The following PPARGC1A variants were observed in gnomAD, a reference collection of about 807,000 sequenced individuals.
PPARGC1A encodes the protein peroxisome proliferator-activated receptor gamma coactivator 1-alpha.
A neutral mutation model predicts 88.7 loss-of-function variants in PPARGC1A; 25 were observed. The observed-to-expected ratio is 0.28, with a 90% CI of 0.21 to 0.39. PPARGC1A has a LOEUF of 0.39. Ranked by LOEUF, PPARGC1A falls within the 10% of genes least tolerant of loss-of-function variation. The pLI, the probability that PPARGC1A is intolerant of heterozygous loss-of-function variation, is 1.00. For missense variants in PPARGC1A, 880 were observed against 968.7 expected (o/e 0.91, Z 1.22); for synonymous variants, 363 against 355.6 (o/e 1.02, Z -0.24).
the PPARGC1A span, among the ~76,000 whole-genome samples, chr4:24,467,007 G>GGAGAAAGAAAGAAAGAAAGAAAGAAAGA: frequency 1.7e-5 from 1 of 58,732 alleles, no homozygotes; most frequent in Non-Finnish European, 3.8e-5. Context: ...GGAAGGAAGG[G>GGAGAAAGAAAGAAAGAAAGAAAGAAAGA]GAGAAAGAAA....
At chr4:23,921,588 T>C in the PPARGC1A span, among the ~76,000 whole-genome samples, 1 of 152,042 alleles carries the variant, frequency 6.6e-6, no homozygotes, top group Non-Finnish European at 1.5e-5. Context: ...AATAGAACTG[T>C]CTGAAAATGC....
At chr4:24,298,691 G>C in the PPARGC1A span, among the ~76,000 whole-genome samples, 1 of 152,142 alleles carries the variant, frequency 6.6e-6, no homozygotes, top group East Asian at 1.9e-4. Context: ...CACTGTCTGA[G>C]CTTAAAATGC....
chr4:23,934,670 C>A, the PPARGC1A span, among the ~76,000 whole-genome samples: 4 of 152,108 alleles, frequency 2.6e-5, no homozygotes, highest in African/African-American at 9.7e-5. Flanking sequence ...TGAAGCTAAT[C>A]ATATTGGTTA....
chr4:24,398,284 CAGAAT>C, the PPARGC1A span, among the ~76,000 whole-genome samples: 1 of 152,118 alleles, frequency 6.6e-6, no homozygotes, highest in Non-Finnish European at 1.5e-5. Context: ...TTATATGTAA[CAGAAT>C]AGATTATATT....
chr4:24,158,768 G>A, the PPARGC1A span, among the ~76,000 whole-genome samples: 1 of 152,184 alleles, frequency 6.6e-6, no homozygotes, highest in African/African-American at 2.4e-5. Flanking sequence ...AAAGAAAGGT[G>A]TCAGTACTTG....
the PPARGC1A span, among the ~76,000 whole-genome samples, chr4:24,133,180 T>C: frequency 6.6e-6 from 1 of 152,128 alleles, no homozygotes; most frequent in Admixed American, 6.6e-5. Context: ...TCTGGTGGTT[T>C]CCCCCCTGGG....
chr4:24,440,363 A>G, the PPARGC1A span, among the ~76,000 whole-genome samples: 1 of 152,108 alleles, frequency 6.6e-6, no homozygotes, highest in East Asian at 1.9e-4. Context: ...ATTCCCATGG[A>G]AGGGAAGAGC....
the PPARGC1A span, among the ~76,000 whole-genome samples, chr4:24,199,595 T>C: frequency 1.3e-5 from 2 of 152,108 alleles, no homozygotes; most frequent in Admixed American, 6.5e-5. Flanking sequence ...GATGGCTACA[T>C]GACAATACAC....
chr4:24,133,502 T>C, the PPARGC1A span, among the ~76,000 whole-genome samples: 9 of 152,204 alleles, frequency 5.9e-5, no homozygotes, highest in African/African-American at 1.9e-4. Context: ...ACTTGGCTCC[T>C]CAAGCAGATT....
At chr4:24,126,749 G>A in the PPARGC1A span, among the ~76,000 whole-genome samples, 12 of 152,178 alleles carry the variant, frequency 7.9e-5, no homozygotes, top group Admixed American at 1.3e-4. Context: ...TCCCAAGGGC[G>A]GCATGCTAGT....
the PPARGC1A span, among the ~76,000 whole-genome samples, chr4:24,088,886 G>A: frequency 6.6e-5 from 10 of 152,160 alleles, no homozygotes; most frequent in African/African-American, 9.7e-5. Flanking sequence ...AAACAGGCAT[G>A]AACTGAGACC....
In PPARGC1A at chr4:23,799,379, A is replaced by G. The variant is rs541750460; in HGVS notation, c.2293+2351T>C. On this transcript the variant is annotated intron_variant, in intron 12 of 12. Transcript: ENST00000264867. Reference sequence around the variant, plus strand: ...GTTATGCCAGACACGTGCTAATAGCATCACAAACATTTATTTAATCTTCAC... The same window carrying G: ...GTTATGCCAGACACGTGCTAATAGCGTCACAAACATTTATTTAATCTTCAC... Among the ~76,000 whole-genome samples, 89 of 152,360 alleles carry G rather than the reference A, an allele frequency of 5.8e-4. 2 individuals are homozygous for G. In the South Asian group the frequency reaches 0.018, roughly 31 times the overall value.
At chr4:24,469,294 A>G in the PPARGC1A span, among the ~76,000 whole-genome samples, 1 of 152,204 alleles carries the variant, frequency 6.6e-6, no homozygotes, top group Non-Finnish European at 1.5e-5. Flanking sequence ...CCATGCTCAA[A>G]TGCTGAAAAT....
At chr4:24,293,793 A>G in the PPARGC1A span, among the ~76,000 whole-genome samples, 1 of 151,664 alleles carries the variant, frequency 6.6e-6, no homozygotes, top group Admixed American at 6.6e-5. Context: ...AAGTCAACCT[A>G]AATTGTTTTC....
At chr4:23,926,267 A>G in the PPARGC1A span, among the ~76,000 whole-genome samples, 1 of 152,074 alleles carries the variant, frequency 6.6e-6, no homozygotes, top group Non-Finnish European at 1.5e-5. Flanking sequence ...GAACACTCAA[A>G]ATATACAAAA....
intron 1 of PPARGC1A, among the ~76,000 whole-genome samples, chr4:23,895,639 G>A (rs1246111929): frequency 6.6e-6 from 1 of 151,946 alleles, no homozygotes; most frequent in Non-Finnish European, 1.5e-5. Flanking sequence ...ACCGCTTCTA[G>A]GATTGACCTC....
At chr4:24,044,116 G>A in the PPARGC1A span, among the ~76,000 whole-genome samples, 2 of 152,314 alleles carry the variant, frequency 1.3e-5, no homozygotes, top group East Asian at 1.9e-4. Flanking sequence ...GATGTCAACC[G>A]TAACGCCTAG....
chr4:24,049,858 T>G, the PPARGC1A span, among the ~76,000 whole-genome samples: 3 of 152,128 alleles, frequency 2.0e-5, no homozygotes, highest in African/African-American at 7.2e-5. Flanking sequence ...AGCATGACAT[T>G]ACCAAATATA....
At chr4:24,264,144 T>C in the PPARGC1A span, among the ~76,000 whole-genome samples, 1 of 152,184 alleles carries the variant, frequency 6.6e-6, no homozygotes, top group East Asian at 1.9e-4. Context: ...TGACTGTTTA[T>C]GTGATCAATA....
Sources: allele counts gnomAD v4.1 joint callset (sites outside exome capture counted in the v4.1 genomes callset), GRCh38; gene constraint gnomAD v4.1.1; transcripts MANE v1.5; gene names NCBI Gene and HGNC (gene_info 2026-07-23, HGNC 2026-07-21).